Variants in TCF12 observed in about 807,000 individuals in gnomAD.
TCF12 encodes the protein DNA-binding protein HTF4.
A neutral mutation model predicts 86.0 loss-of-function variants in TCF12; 45 were observed. That is an observed-to-expected ratio of 0.52 (90% CI 0.41 to 0.67). The LOEUF (loss-of-function observed/expected upper bound fraction) is 0.67, where lower values mean the gene tolerates loss of function less well. TCF12 is among the 30% of genes least tolerant of loss of function. The pLI, the probability that TCF12 is intolerant of heterozygous loss-of-function variation, is 0.00. For missense variants in TCF12, 881 were observed against 859.9 expected (o/e 1.02, Z -0.31); for synonymous variants, 330 against 299.6 (o/e 1.10, Z -1.05).
At chr15:57,087,034 CCCCTCTCTCT>C (rs1447625483) in intron 4 of TCF12, among the ~76,000 whole-genome samples, 2 of 148,996 alleles carry the variant, frequency 1.3e-5, no homozygotes, top group Non-Finnish European at 3.0e-5. Context: ...TCTGTCTCTT[CCCCTCTCTCT>C]CCCTCTGTCT....
intron 16 of TCF12, 122 bp from the exon 17 acceptor site, chr15:57,261,972 A>T (rs1326397740): frequency 1.8e-6 from 1 of 558,478 alleles, no homozygotes; most frequent in African/African-American, 1.9e-5. Flanking sequence ...CATCCAGAAA[A>T]AGTTGCTGAA....
chr15:56,979,482 T>C (rs1473548920), intron 3 of TCF12, among the ~76,000 whole-genome samples: 1 of 152,158 alleles, frequency 6.6e-6, no homozygotes, highest in African/African-American at 2.4e-5. Flanking sequence ...ATAGTAGAAA[T>C]AGATCCTGAC....
chr15:56,990,838 G>A (rs1466000090), intron 3 of TCF12, among the ~76,000 whole-genome samples: 2 of 151,276 alleles, frequency 1.3e-5, no homozygotes, highest in East Asian at 3.9e-4. Flanking sequence ...TATCACCTAG[G>A]CTGGAGAGTG....
chr15:57,053,660 C>G (rs75373713), intron 3 of TCF12, among the ~76,000 whole-genome samples: 366 of 150,434 alleles, frequency 2.4e-3, no homozygotes, highest in Non-Finnish European at 4.4e-3. Flanking sequence ...AACACAGCAA[C>G]TCCCAGTTGT....
chr15:57,052,427 C>A (rs1464139517), intron 3 of TCF12, among the ~76,000 whole-genome samples: 1 of 151,938 alleles, frequency 6.6e-6, no homozygotes, highest in East Asian at 1.9e-4. Context: ...AACCTGAGGT[C>A]AGGAGTTAAA....
At chr15:57,050,564 C>G (rs571042776) in intron 3 of TCF12, among the ~76,000 whole-genome samples, 2 of 152,006 alleles carry the variant, frequency 1.3e-5, no homozygotes, top group Non-Finnish European at 2.9e-5. Flanking sequence ...TAGAGACTGC[C>G]GAGTTCATTG....
At chr15:57,018,800 AAAAC>A (rs2065302101) in intron 3 of TCF12, among the ~76,000 whole-genome samples, 1 of 152,188 alleles carries the variant, frequency 6.6e-6, no homozygotes, top group Admixed American at 6.5e-5. Flanking sequence ...TTCTCAAAGT[AAAAC>A]AAAAACAAAA....
intron 6 of TCF12, among the ~76,000 whole-genome samples, chr15:57,166,812 A>G (rs1313185915): frequency 6.6e-6 from 1 of 152,212 alleles, no homozygotes; most frequent in Non-Finnish European, 1.5e-5. Flanking sequence ...CATAGCTTAA[A>G]TATCCTGTAA....
At chr15:57,121,060 G>C (rs2051195031) in intron 5 of TCF12, among the ~76,000 whole-genome samples, 2 of 152,204 alleles carry the variant, frequency 1.3e-5, no homozygotes, top group Admixed American at 1.3e-4. Context: ...ATCTGGAACA[G>C]GAGTTTTATG....
chr15:57,099,913 G>C (rs1256084956), intron 5 of TCF12, among the ~76,000 whole-genome samples: 2 of 151,742 alleles, frequency 1.3e-5, no homozygotes, highest in Non-Finnish European at 2.9e-5. Flanking sequence ...TTTTTGGTGA[G>C]CTCACAACAT....
intron 8 of TCF12, among the ~76,000 whole-genome samples, chr15:57,216,596 A>G (rs1245254250): frequency 4.0e-5 from 6 of 151,764 alleles, no homozygotes; most frequent in Non-Finnish European, 8.8e-5. Flanking sequence ...AAGATTAAAC[A>G]ACTGCATTTA....
intron 13 of TCF12, 62 bp from the exon 14 acceptor site, chr15:57,251,288 T>C: frequency 7.0e-7 from 1 of 1,426,680 alleles, no homozygotes; most frequent in Non-Finnish European, 9.9e-7. Context: ...ACCCTTTCCT[T>C]CACAACATTA....
chr15:57,266,142 C>T (rs1466690353), intron 18 of TCF12, among the ~76,000 whole-genome samples: 1 of 151,820 alleles, frequency 6.6e-6, no homozygotes, highest in Non-Finnish European at 1.5e-5. Context: ...GACAGGGTCT[C>T]GCTGTCACCC....
intron 3 of TCF12, among the ~76,000 whole-genome samples, chr15:56,961,119 T>A (rs2061731572): frequency 1.7e-5 from 1 of 59,222 alleles, no homozygotes; most frequent in African/African-American, 5.4e-5. Flanking sequence ...AGAGTGAAAC[T>A]CTGTCTCAAA....
At chr15:56,989,088 G>A (rs1247498402) in intron 3 of TCF12, among the ~76,000 whole-genome samples, 1 of 152,056 alleles carries the variant, frequency 6.6e-6, no homozygotes, top group East Asian at 1.9e-4. Flanking sequence ...TTGACATTTT[G>A]ATGTTGATTT....
rs1315474924 is a variant in TCF12, at chr15:57,035,464, A to G, written c.149-28286A>G. Among the ~76,000 whole-genome samples, 19 of 152,092 alleles carry G rather than the reference A, an allele frequency of 1.2e-4. 1 individual carries two copies. The highest frequency in any genetic ancestry group is 1.2e-3 in the Admixed American group (19 of 15,258). On this transcript the variant is annotated intron_variant, in intron 3 of 20. Coordinates refer to ENST00000333725, the MANE Select transcript of TCF12 (RefSeq NM_207037.2). ...AATTTTTTTGTAGAGACGGGATCTC[A>G]CTATGTTGTGTAGGCTGATTGCCAA...
intron 18 of TCF12, among the ~76,000 whole-genome samples, chr15:57,269,162 T>C (rs766805921): frequency 6.6e-6 from 1 of 152,064 alleles, no homozygotes; most frequent in Non-Finnish European, 1.5e-5. Flanking sequence ...GGAGTCTAAG[T>C]CTTTTTGTAG....
At chr15:57,226,713 C>A (rs16977320) in intron 8 of TCF12, among the ~76,000 whole-genome samples, 4,219 of 152,066 alleles carry the variant, frequency 0.028, 69 homozygotes, top group Non-Finnish European at 0.044. Context: ...TTTCTTAGGC[C>A]TTGAAGCACA....
At chr15:56,918,417 C>T (rs1326286801), upstream of TCF12, 1 of 359,758 alleles carries the variant, frequency 2.8e-6, no homozygotes, top group African/African-American at 2.2e-5. Flanking sequence ...CGGTCGGGGC[C>T]TGCTTCTCGA....
Sources: allele counts gnomAD v4.1 joint callset (sites outside exome capture counted in the v4.1 genomes callset), GRCh38; gene constraint gnomAD v4.1.1; transcripts MANE v1.5; gene names NCBI Gene and HGNC (gene_info 2026-07-23, HGNC 2026-07-21).